Variants in MCM9 observed in about 807,000 individuals in gnomAD.
MCM9 encodes DNA helicase MCM9.
A neutral mutation model predicts 72.8 loss-of-function variants in MCM9; 55 were observed. That is an observed-to-expected ratio of 0.76 (90% CI 0.61 to 0.95). The LOEUF (loss-of-function observed/expected upper bound fraction) is 0.95, where lower values mean the gene tolerates loss of function less well. Among genes scored for constraint, MCM9 ranks in the 40% least tolerant of loss-of-function variants. MCM9 has a pLI of 0.00. For synonymous variants in MCM9, 480 were observed against 503.4 expected (o/e 0.95, Z 0.62); for missense variants, 1,279 against 1,377.0 (o/e 0.93, Z 1.13).
At chr6:118,934,203 C>T (rs1782698050) in intron 1 of MCM9, among the ~76,000 whole-genome samples, 1 of 152,186 alleles carries the variant, frequency 6.6e-6, no homozygotes, top group South Asian at 2.1e-4. Flanking sequence ...TCCCTTTCAA[C>T]ATCTATGCAA....
chr6:118,910,626 G>C, intron 8 of MCM9: 1 of 984,844 alleles, frequency 1.0e-6, no homozygotes, highest in Non-Finnish European at 1.2e-6. Flanking sequence ...ATTTGTTGTT[G>C]GTATCATTTT....
intron 8 of MCM9, among the ~76,000 whole-genome samples, chr6:118,872,585 C>T (rs1202314552): frequency 6.6e-6 from 1 of 151,880 alleles, no homozygotes; most frequent in African/African-American, 2.4e-5. Context: ...AGGATAGCAA[C>T]TATACTCCAG....
chr6:118,882,996 T>C (rs1457075233), intron 8 of MCM9, among the ~76,000 whole-genome samples: 1 of 148,236 alleles, frequency 6.7e-6, no homozygotes, highest in Admixed American at 6.8e-5. Flanking sequence ...AGAAGCTGCC[T>C]GTGAGAGGAT....
chr6:118,923,757 A>G, intron 4 of MCM9, 54 bp downstream of exon 4: 1 of 1,489,556 alleles, frequency 6.7e-7, no homozygotes, highest in Non-Finnish European at 9.2e-7. Context: ...CAATGTGCCC[A>G]TAGCTGAAAA....
chr6:118,879,873 G>A (rs760649313), intron 8 of MCM9, among the ~76,000 whole-genome samples: 54 of 152,028 alleles, frequency 3.6e-4, no homozygotes, highest in African/African-American at 1.1e-3. Flanking sequence ...GTGAAACCCT[G>A]TCTCTATTAA....
intron 3 of MCM9, among the ~76,000 whole-genome samples, chr6:118,925,528 A>C (rs995516635): frequency 1.3e-5 from 2 of 152,190 alleles, no homozygotes; most frequent in African/African-American, 4.8e-5. Context: ...GTTACAGGTT[A>C]CAAGTCTACA....
Position 118,913,340 on chromosome 6 carries a change from C to T in MCM9, c.985G>A (p.Ala329Thr), listed in dbSNP as rs1384473911. Residue 329 changes from alanine (A) to threonine (T), a missense_variant, in exon 7 of 14, where the codon GCT (alanine) becomes ACT (threonine). Transcript: ENST00000619706. The part of the protein sequence containing the change: ...LVKLAVAMVL[A>T]GGIQRTDATG... Reference sequence around the variant, plus strand: ...GCATCAGTCCTTTGAATCCCACCAGCCAGCACCATGGCCACAGCAAGCTTT... The same window carrying T: ...GCATCAGTCCTTTGAATCCCACCAGTCAGCACCATGGCCACAGCAAGCTTT... 5.6e-6 allele frequency: 9 copies of T among 1,614,118 alleles called. No individual in the cohort carries two copies. Among genetic ancestry groups the T allele is most frequent in the Non-Finnish European group, 7.6e-6 (9 of 1,180,008 alleles).
chr6:118,934,322 A>G (rs1044446536), intron 1 of MCM9: 1 of 152,234 alleles, frequency 6.6e-6, no homozygotes, highest in Non-Finnish European at 1.5e-5. Context: ...GGGTCATTTC[A>G]CAACTTTCAA....
chr6:118,830,566 A>G (rs1310772010), intron 9 of MCM9, among the ~76,000 whole-genome samples: 1 of 152,246 alleles, frequency 6.6e-6, no homozygotes, highest in Non-Finnish European at 1.5e-5. Flanking sequence ...ATAATTTGCC[A>G]TAGAACAATG....
At chr6:118,916,196 TA>T (rs1325267265) in intron 6 of MCM9, among the ~76,000 whole-genome samples, 356 of 140,094 alleles carry the variant, frequency 2.5e-3, no homozygotes, top group Non-Finnish European at 2.5e-3. Context: ...CTGTCTACTT[TA>T]AAAAAAAAAA....
At chr6:118,885,407 A>G (rs529992047) in intron 8 of MCM9, among the ~76,000 whole-genome samples, 1 of 152,266 alleles carries the variant, frequency 6.6e-6, no homozygotes, top group Non-Finnish European at 1.5e-5. Flanking sequence ...AATGAAACTA[A>G]AAGTTGACAA....
At position 118,843,692 on chromosome 6, in the gene MCM9, A is replaced by ATATATGTATGTATATATATATGTGTG. The variant is rs1464258046; in HGVS notation, c.1325+12678_1325+12679insCACACATATATATATACATACATATA. 2.0e-3 allele frequency among the ~76,000 whole-genome samples: 128 copies of ATATATGTATGTATATATATATGTGTG among 63,796 alleles called. 2 individuals are homozygous for ATATATGTATGTATATATATATGTGTG. Among genetic ancestry groups the ATATATGTATGTATATATATATGTGTG allele is most frequent in the South Asian group, 3.6e-3 (6 of 1,688 alleles). 41.9% of individuals were successfully genotyped at this position (63,796 alleles called of 152,430 possible). ...TATGTATGTATATATATATGTGTAT[A>ATATATGTATGTATATATATATGTGTG]TATATATATATGTATGTATATATAT... On this transcript the variant is annotated intron_variant, in intron 9 of 13. Coordinates refer to ENST00000619706, the MANE Select transcript of MCM9 (RefSeq NM_017696.3).
At chr6:118,877,997 AC>A in intron 8 of MCM9, among the ~76,000 whole-genome samples, 1 of 152,124 alleles carries the variant, frequency 6.6e-6, no homozygotes, top group East Asian at 1.9e-4. Flanking sequence ...GTTCATCTCT[AC>A]AAAAATTTAA....
chr6:118,860,440 G>C (rs945413888), intron 8 of MCM9, among the ~76,000 whole-genome samples: 2 of 152,080 alleles, frequency 1.3e-5, no homozygotes, highest in African/African-American at 4.8e-5. Context: ...CAAAAAAGAA[G>C]AGAATATCCA....
chr6:118,835,012 T>C (rs946884922), intron 9 of MCM9, among the ~76,000 whole-genome samples: 1 of 151,814 alleles, frequency 6.6e-6, no homozygotes, highest in Admixed American at 6.6e-5. Context: ...CTTTAATCCA[T>C]CTTAATTTTT....
chr6:118,896,478 G>C (rs922258512), intron 8 of MCM9, among the ~76,000 whole-genome samples: 5 of 152,096 alleles, frequency 3.3e-5, no homozygotes, highest in Non-Finnish European at 7.4e-5. Context: ...ACATTGCATA[G>C]ATGAAACCAG....
At chr6:118,841,542 T>C (rs1241907429) in intron 9 of MCM9, among the ~76,000 whole-genome samples, 1 of 152,158 alleles carries the variant, frequency 6.6e-6, no homozygotes, top group Non-Finnish European at 1.5e-5. Flanking sequence ...AGACCCAAAG[T>C]AGGTTTTGAC....
intron 2 of MCM9, 44 bp downstream of exon 2, chr6:118,932,561 TAC>T (rs894899324): frequency 7.3e-6 from 7 of 958,032 alleles, no homozygotes; most frequent in African/African-American, 1.8e-5. Context: ...TCTTTAGTTA[TAC>T]ACACACACTC....
chr6:118,829,562 T>C (rs1353989819), intron 9 of MCM9, among the ~76,000 whole-genome samples: 1 of 152,192 alleles, frequency 6.6e-6, no homozygotes, highest in Non-Finnish European at 1.5e-5. Flanking sequence ...TGCAATCTAC[T>C]AGCTATAATG....
Sources: gnomAD v4.1 joint callset for allele counts (sites outside exome capture counted in the v4.1 genomes callset) on GRCh38, gnomAD v4.1.1 for gene constraint, MANE v1.5 for transcripts, NCBI Gene and HGNC (gene_info 2026-07-23, HGNC 2026-07-21) for gene names.